Variants in EPG5 observed in about 807,000 individuals in gnomAD.
EPG5 encodes the protein ectopic P-granules 5 autophagy tethering factor, also known as ectopic P granules protein 5 homolog.
EPG5 carries 159 observed loss-of-function variants against 302.7 expected under a neutral mutation model. That is an observed-to-expected ratio of 0.53 (90% CI 0.46 to 0.60). The LOEUF (loss-of-function observed/expected upper bound fraction) is 0.60, where lower values mean the gene tolerates loss of function less well. EPG5 is among the 20% of genes least tolerant of loss of function. The probability of loss-of-function intolerance (pLI) is 0.00; values close to 1 mark genes in which losing one functional copy is unlikely to be tolerated. For synonymous variants in EPG5, 1,158 were observed against 1,136.8 expected (o/e 1.02, Z -0.37); for missense variants, 2,896 against 3,092.4 (o/e 0.94, Z 1.51).
intron 40 of EPG5, among the ~76,000 whole-genome samples, chr18:45,859,220 T>C (rs1266768479): frequency 6.6e-6 from 1 of 152,228 alleles, no homozygotes; most frequent in Non-Finnish European, 1.5e-5. Context: ...CTGTGAGTAG[T>C]TTTACTTATC....
At position 45,851,425 on chromosome 18, in the gene EPG5, G is replaced by A. The variant is rs1359284916; in HGVS notation, c.*1042C>T. ...TCAACAACAGAAGGCACGTGGCTAT[G>A]GAAAAAAAGCCAAATTTCAGTAGAT... On this transcript the variant is annotated 3_prime_UTR_variant, in exon 44 of 44. Transcript: ENST00000282041. 1.3e-5 allele frequency: 2 copies of A among 152,094 alleles called. No individual in the cohort carries two copies. The highest frequency in any genetic ancestry group is 4.8e-5 in the African/African-American group (2 of 41,386). The allele number at this position is 152,094 out of a possible 1,614,324, so 9.4% of individuals were successfully genotyped here.
intron 40 of EPG5, 49 bp downstream of exon 40, chr18:45,860,055 C>G (rs773463852): frequency 6.2e-7 from 1 of 1,601,590 alleles, no homozygotes; most frequent in Admixed American, 1.7e-5. Context: ...ATGCTTTCAT[C>G]TTTCTGGAAA....
Position 45,882,418 on chromosome 18 carries a change from T to A in EPG5, c.5374A>T (p.Ile1792Phe). 2 of 1,614,190 alleles carry A rather than the reference T, an allele frequency of 1.2e-6. No homozygotes were observed. The highest frequency in any genetic ancestry group is 1.7e-6 in the Non-Finnish European group (2 of 1,180,032). ...LSDRTRLLES[I>F]HLALTAWGLE... is the part of the protein sequence containing the mutation. ...CCCCAGGCAGTAAGTGCCAAGTGAA[T>A]GGACTCCAGAAGCCTGGTACGATCA... is the stretch of plus-strand genomic sequence containing the variant. The change falls in exon 31 of 44, where the codon ATT (isoleucine) becomes TTT (phenylalanine). Residue 1792 changes from isoleucine to phenylalanine, a missense_variant. Ile to Phe is a conservative substitution (Grantham distance 21). Transcript: ENST00000282041.
At chr18:45,859,065 T>A (rs1218051168) in intron 40 of EPG5, among the ~76,000 whole-genome samples, 6 of 152,226 alleles carry the variant, frequency 3.9e-5, no homozygotes, top group African/African-American at 1.4e-4. Context: ...TGCATACGTA[T>A]AAATCACCTT....
chr18:45,931,183 A>T (rs1042711359), intron 11 of EPG5, among the ~76,000 whole-genome samples: 1 of 152,248 alleles, frequency 6.6e-6, no homozygotes, highest in African/African-American at 2.4e-5. Context: ...CTTCAAAGGC[A>T]GTACTGCCAA....
At chr18:45,811,898 T>C in the EPG5 span, among the ~76,000 whole-genome samples, 2 of 152,092 alleles carry the variant, frequency 1.3e-5, no homozygotes, top group Admixed American at 6.6e-5. Context: ...TTCAACATAG[T>C]GTTGGAAGTT....
chr18:45,865,430 A>G (rs945109295), intron 39 of EPG5, among the ~76,000 whole-genome samples, 185 bp downstream of exon 39: 3 of 152,156 alleles, frequency 2.0e-5, no homozygotes, highest in Non-Finnish European at 4.4e-5. Flanking sequence ...CCACCACCCA[A>G]CAGCATCTGC....
At chr18:45,857,536 C>T (rs980548760) in intron 42 of EPG5, among the ~76,000 whole-genome samples, 7 of 152,126 alleles carry the variant, frequency 4.6e-5, no homozygotes, top group Non-Finnish European at 8.8e-5. Context: ...GCTCGCATAC[C>T]GTCCATGACT....
intron 25 of EPG5, among the ~76,000 whole-genome samples, chr18:45,901,804 A>C (rs1240565882): frequency 6.6e-6 from 1 of 151,054 alleles, no homozygotes; most frequent in Non-Finnish European, 1.5e-5. Context: ...CACAAAGGTG[A>C]ATCTCTACCA....
At chr18:45,953,487 G>A in intron 2 of EPG5, 1 of 985,314 alleles carries the variant, frequency 1.0e-6, no homozygotes, top group Non-Finnish European at 1.2e-6. Context: ...ATTAGGGATA[G>A]GGGAATGACA....
chr18:45,858,780 G>T lies in EPG5; in HGVS notation c.7012C>A (p.Pro2338Thr). 1 of 1,610,930 alleles carries T rather than the reference G, an allele frequency of 6.2e-7. No individual in the cohort carries two copies. Among genetic ancestry groups the T allele is most frequent in the African/African-American group, 1.3e-5 (1 of 74,924 alleles). ...ACITAYFKESPLNQNSGWGPI... is the reference protein window; with the variant it reads ...ACITAYFKESTLNQNSGWGPI... Reference sequence around the variant, plus strand: ...CCCCATCCTGAATTCTGATTGAGAGGGCCTAAGAACATGAAGAAGAGACAT... The same window carrying T: ...CCCCATCCTGAATTCTGATTGAGAGTGCCTAAGAACATGAAGAAGAGACAT... The change falls in exon 41 of 44, where the codon CCT becomes ACT. Residue 2338 changes from proline (P) to threonine (T), a missense_variant and splice_region_variant. Transcript: ENST00000282041.
intron 35 of EPG5, among the ~76,000 whole-genome samples, chr18:45,871,067 A>C (rs1402523663): frequency 3.3e-5 from 5 of 152,212 alleles, no homozygotes. Context: ...TCAGTTTTAC[A>C]CATTTAGTGC....
the EPG5 span, among the ~76,000 whole-genome samples, chr18:45,822,528 A>G: frequency 6.6e-6 from 1 of 152,216 alleles, no homozygotes; most frequent in Non-Finnish European, 1.5e-5. Flanking sequence ...ATAGTTTCAA[A>G]TAGCTAGAAG....
chr18:45,815,467 A>G, the EPG5 span, among the ~76,000 whole-genome samples: 1 of 152,206 alleles, frequency 6.6e-6, no homozygotes, highest in African/African-American at 2.4e-5. Context: ...TAATGTACAC[A>G]AATTAGTAGC....
intron 42 of EPG5, among the ~76,000 whole-genome samples, chr18:45,856,119 T>C (rs190024985): frequency 1.3e-5 from 2 of 152,358 alleles, no homozygotes; most frequent in Admixed American, 1.3e-4. Flanking sequence ...CAGCATTATC[T>C]GCAATAGCCA....
At chr18:45,917,578 A>G in intron 17 of EPG5, 101 bp downstream of exon 17, 1 of 1,445,622 alleles carries the variant, frequency 6.9e-7, no homozygotes, top group South Asian at 1.2e-5. Flanking sequence ...CGCTGTTGAA[A>G]TAGCATTCCC....
At chr18:45,837,955 C>T in the EPG5 span, 1 of 1,421,412 alleles carries the variant, frequency 7.0e-7, no homozygotes, top group Non-Finnish European at 9.1e-7. Flanking sequence ...CCTGCCCCGC[C>T]CCAAGGGCTA....
Position 45,858,071 on chromosome 18 carries a change from A to T in EPG5, c.7227-3T>A. 1.9e-6 allele frequency: 3 copies of T among 1,607,790 alleles called. No homozygotes were observed. The highest frequency in any genetic ancestry group is 2.6e-6 in the Non-Finnish European group (3 of 1,174,978). ...GCTTTGCCTCTTCCTCCACGGAGCT[A>T]GGGGAGGCACCGGAGGAAAATAAAA... On this transcript the variant is annotated splice_polypyrimidine_tract_variant and splice_region_variant and intron_variant, in intron 41 of 43. Transcript: ENST00000282041.
chr18:45,825,839 C>CTTAG, the EPG5 span: 1 of 1,597,872 alleles, frequency 6.3e-7, no homozygotes, highest in South Asian at 1.1e-5. Flanking sequence ...CTGAAAGCAT[C>CTTAG]TTAGGTACAG....
Sources: allele counts gnomAD v4.1 joint callset (sites outside exome capture counted in the v4.1 genomes callset), GRCh38; gene constraint gnomAD v4.1.1; transcripts MANE v1.5; gene names NCBI Gene and HGNC (gene_info 2026-07-23, HGNC 2026-07-21).